Variants in CLIC4 observed in about 807,000 individuals in gnomAD.
CLIC4 encodes CLIC family member 4.
A neutral mutation model predicts 24.6 loss-of-function variants in CLIC4; 13 were observed. That is an observed-to-expected ratio of 0.53 (90% CI 0.34 to 0.84). The LOEUF (loss-of-function observed/expected upper bound fraction) is 0.84, where lower values mean the gene tolerates loss of function less well. Among genes scored for constraint, CLIC4 ranks in the 40% least tolerant of loss-of-function variants. The pLI, the probability that CLIC4 is intolerant of heterozygous loss-of-function variation, is 0.01. For synonymous variants in CLIC4, 104 were observed against 111.3 expected (o/e 0.93, Z 0.41); for missense variants, 227 against 301.7 (o/e 0.75, Z 1.83).
In CLIC4 at chr1:24,820,067, G is replaced by GTGTGTGTATATATATATATATA. The variant is rs1212033050; in HGVS notation, c.308+5849_308+5850insGTGTGTATATATATATATATAT. On this transcript the variant is annotated intron_variant, in intron 3 of 5. Coordinates refer to ENST00000374379, the MANE Select transcript of CLIC4 (RefSeq NM_013943.3). ...TACTTCAAAAAAAAAAAAAAAGTAT[G>GTGTGTGTATATATATATATATA]TATATATATATGTATATATATATAT... 2.2e-4 allele frequency among the ~76,000 whole-genome samples: 8 copies of GTGTGTGTATATATATATATATA among 36,480 alleles called. 1 individual carries two copies. Among genetic ancestry groups the GTGTGTGTATATATATATATATA allele is most frequent in the East Asian group, 1.2e-3 (1 of 866 alleles). The allele number at this position is 36,480 out of a possible 152,430, so 23.9% of individuals were successfully genotyped here. A position where few individuals can be genotyped will look rare whatever the true frequency, so the allele number is the denominator to read the frequency against.
At chr1:24,751,334 C>T (rs1305127571) in intron 1 of CLIC4, among the ~76,000 whole-genome samples, 5 of 151,696 alleles carry the variant, frequency 3.3e-5, no homozygotes, top group Admixed American at 6.6e-5. Flanking sequence ...CGCAGACTCC[C>T]GAGTAGCTGG....
At chr1:24,827,510 G>A (rs1391751673) in intron 4 of CLIC4, among the ~76,000 whole-genome samples, 2 of 142,912 alleles carry the variant, frequency 1.4e-5, no homozygotes, top group African/African-American at 2.6e-5. Context: ...AATGTTTATT[G>A]TTGAGTGCCT....
At chr1:24,826,885 TG>T (rs1214333456) in intron 3 of CLIC4, 124 bp from the exon 4 acceptor site, 1 of 586,610 alleles carries the variant, frequency 1.7e-6, no homozygotes, top group African/African-American at 1.9e-5. Context: ...AGAAAACAAA[TG>T]ATGGTATTTC....
At chr1:24,775,150 T>A (rs534551273) in intron 1 of CLIC4, among the ~76,000 whole-genome samples, 2 of 152,070 alleles carry the variant, frequency 1.3e-5, no homozygotes, top group Non-Finnish European at 2.9e-5. Context: ...ATTCAAATTA[T>A]TATTTCCTTG....
intron 1 of CLIC4, among the ~76,000 whole-genome samples, chr1:24,752,195 C>G (rs1638784807): frequency 6.6e-6 from 1 of 152,076 alleles, no homozygotes; most frequent in African/African-American, 2.4e-5. Context: ...CTTCTAATAT[C>G]AGGATAATAA....
chr1:24,747,213 G>A (rs1296121623), intron 1 of CLIC4, among the ~76,000 whole-genome samples: 1 of 150,588 alleles, frequency 6.6e-6, no homozygotes, highest in Non-Finnish European at 1.5e-5. Flanking sequence ...TTTGAGATGC[G>A]TAGAATGTAG....
At chr1:24,748,499 G>GTTTTTTTTT (rs869153638) in intron 1 of CLIC4, among the ~76,000 whole-genome samples, 2,582 of 77,956 alleles carry the variant, frequency 0.033, 49 homozygotes, top group Non-Finnish European at 0.044. Context: ...CAGGTTTTTT[G>GTTTTTTTTT]TTTTTTTTTT....
intron 1 of CLIC4, among the ~76,000 whole-genome samples, chr1:24,766,932 T>C (rs1432614862): frequency 2.0e-5 from 3 of 148,478 alleles, no homozygotes; most frequent in African/African-American, 7.5e-5. Flanking sequence ...TGTTAGAGTA[T>C]GCAGTGTCCA....
intron 3 of CLIC4, among the ~76,000 whole-genome samples, chr1:24,824,191 A>G (rs1639764298): frequency 6.6e-6 from 1 of 152,270 alleles, no homozygotes; most frequent in Non-Finnish European, 1.5e-5. Context: ...TCTTTTAGAG[A>G]TAATCTAATC....
At chr1:24,804,957 G>A (rs558115807) in intron 2 of CLIC4, among the ~76,000 whole-genome samples, 160 of 151,632 alleles carry the variant, frequency 1.1e-3, no homozygotes, top group African/African-American at 2.8e-3. Context: ...AAAATTAGTC[G>A]GGCATGGTGG....
chr1:24,825,318 A>C (rs1419691247), intron 3 of CLIC4, among the ~76,000 whole-genome samples: 1 of 152,204 alleles, frequency 6.6e-6, no homozygotes, highest in Non-Finnish European at 1.5e-5. Context: ...GAAATGAGTC[A>C]ATGATGGTCC....
At chr1:24,809,097 C>T (rs1639586883) in intron 2 of CLIC4, among the ~76,000 whole-genome samples, 1 of 152,154 alleles carries the variant, frequency 6.6e-6, no homozygotes, top group East Asian at 1.9e-4. Context: ...AAAGAATGTT[C>T]AGTGAAAGCA....
chr1:24,823,060 TG>T (rs1263478628), intron 3 of CLIC4, among the ~76,000 whole-genome samples: 1 of 152,210 alleles, frequency 6.6e-6, no homozygotes, highest in East Asian at 1.9e-4. Flanking sequence ...GCTTGTAGAC[TG>T]GAATCTAGCA....
intron 1 of CLIC4, among the ~76,000 whole-genome samples, chr1:24,748,463 T>C (rs1638732843): frequency 6.7e-6 from 1 of 149,228 alleles, no homozygotes; most frequent in Middle Eastern, 3.5e-3. Flanking sequence ...TGATTCAACA[T>C]AGGCAAACTT....
At chr1:24,755,842 A>T (rs979152585) in intron 1 of CLIC4, among the ~76,000 whole-genome samples, 1 of 151,996 alleles carries the variant, frequency 6.6e-6, no homozygotes, top group Non-Finnish European at 1.5e-5. Context: ...TTTTTTTGAG[A>T]TGGAGTTTTG....
rs189487361 is a variant in CLIC4 at position 24,796,335 on chromosome 1, C to T, written c.73-1407C>T. Among the ~76,000 whole-genome samples the T allele has an allele frequency of 4.6e-5, 7 of 152,092 alleles. No individual in the cohort carries two copies. In the South Asian group the frequency reaches 6.2e-4, roughly 14 times the overall value. ...TCGCAAGTAGCTGGGACTGCAGGCG[C>T]GTACCACCACGTCCAGCTAATTTTT... is the stretch of plus-strand genomic sequence containing the variant. On this transcript the variant is annotated intron_variant, in intron 1 of 5. Coordinates refer to ENST00000374379, the MANE Select transcript of CLIC4 (RefSeq NM_013943.3).
chr1:24,829,022 G>T (rs188708495), intron 4 of CLIC4, among the ~76,000 whole-genome samples: 1 of 152,096 alleles, frequency 6.6e-6, no homozygotes, highest in Admixed American at 6.5e-5. Flanking sequence ...TATGTTTGCC[G>T]CAGGCCTCAG....
chr1:24,746,031 G>A (rs1638691323), intron 1 of CLIC4, among the ~76,000 whole-genome samples: 1 of 151,424 alleles, frequency 6.6e-6, no homozygotes, highest in Non-Finnish European at 1.5e-5. Context: ...GCTCCGGTCC[G>A]CCGCCCGGAG....
chr1:24,825,750 A>G (rs1639781315), intron 3 of CLIC4, among the ~76,000 whole-genome samples: 1 of 152,244 alleles, frequency 6.6e-6, no homozygotes, highest in African/African-American at 2.4e-5. Context: ...AATAGTAAAC[A>G]GAAGATACAT....
Sources: allele counts gnomAD v4.1 joint callset (sites outside exome capture counted in the v4.1 genomes callset), GRCh38; gene constraint gnomAD v4.1.1; transcripts MANE v1.5; gene names NCBI Gene and HGNC (gene_info 2026-07-23, HGNC 2026-07-21).